The following USP25 variants were observed in gnomAD, a reference collection of about 807,000 sequenced individuals.
The protein encoded by USP25 is ubiquitin specific peptidase 25.
In USP25, 85 loss-of-function variants were observed where a neutral mutation model predicts 158.5. The observed-to-expected ratio is 0.54, with a 90% confidence interval of 0.45 to 0.64. The LOEUF (loss-of-function observed/expected upper bound fraction) is 0.64, where lower values mean the gene tolerates loss of function less well. USP25 is among the 30% of genes least tolerant of loss of function. USP25 has a pLI of 0.00. For missense variants in USP25, 1,242 were observed against 1,327.3 expected, an observed-to-expected ratio of 0.94 and a Z score of 1.00; for synonymous variants, 464 against 460.4, an observed-to-expected ratio of 1.01 and a Z score of -0.10.
At chr21:15,742,249 T>A (rs564167888) in intron 1 of USP25, among the ~76,000 whole-genome samples, 1 of 152,038 alleles carries the variant, frequency 6.6e-6, no homozygotes, top group South Asian at 2.1e-4. Flanking sequence ...TGAGAGGTCA[T>A]TAGGTCATCA....
chr21:15,798,816 T>C (rs2035989523), intron 5 of USP25, among the ~76,000 whole-genome samples: 1 of 151,264 alleles, frequency 6.6e-6, no homozygotes, highest in African/African-American at 2.4e-5. Context: ...TATGTAGTTT[T>C]CTCAATACCC....
chr21:15,847,170 T>G (rs1358765371), intron 18 of USP25, among the ~76,000 whole-genome samples: 2 of 152,190 alleles, frequency 1.3e-5, no homozygotes, highest in Admixed American at 6.5e-5. Context: ...CTACAAATTC[T>G]GATGAGTTTA....
Position 15,833,455 on chromosome 21 carries a change from G to A in USP25, c.2101G>A (p.Glu701Lys). The A allele has an allele frequency of 6.2e-7, 1 of 1,614,072 alleles. No individual in the cohort carries two copies. The change falls in exon 17 of 26, where the codon GAA (glutamate) becomes AAA (lysine). Residue 701 changes from glutamate to lysine, a missense_variant. Glu to Lys is a moderately conservative substitution (Grantham distance 56). This residue lies in a region of USP25 where 608 missense variants were observed against 605.2 expected (regional missense o/e 1.00). Coordinates refer to ENST00000400183, the MANE Select transcript of USP25 (RefSeq NM_001283041.3). Reference sequence around the variant, plus strand: ...CAACCAACGATTTGAAAAAGAACTAGAAGAATGGGATGCACAACTTGCCCA... The same window carrying A: ...CAACCAACGATTTGAAAAAGAACTAAAAGAATGGGATGCACAACTTGCCCA... The part of the protein sequence containing the change: ...EDNQRFEKEL[E>K]EWDAQLAQKA...
chr21:15,819,464 A>T (rs1348420340), intron 10 of USP25, among the ~76,000 whole-genome samples: 6 of 152,272 alleles, frequency 3.9e-5, no homozygotes, highest in Admixed American at 3.3e-4. Flanking sequence ...TGGCACTGTA[A>T]TAGTAAGCAA....
At chr21:15,805,992 C>T (rs2036368858) in intron 7 of USP25, among the ~76,000 whole-genome samples, 1 of 152,168 alleles carries the variant, frequency 6.6e-6, no homozygotes, top group Non-Finnish European at 1.5e-5. Context: ...GTCTGAGATT[C>T]TCTCACCATC....
chr21:15,829,022 G>A (rs1423640987), intron 14 of USP25, among the ~76,000 whole-genome samples: 1 of 152,120 alleles, frequency 6.6e-6, no homozygotes, highest in Non-Finnish European at 1.5e-5. Context: ...CCATATTGAT[G>A]TTAGCAGTTA....
At chr21:15,797,712 G>C (rs575418709) in intron 5 of USP25, among the ~76,000 whole-genome samples, 89 of 151,234 alleles carry the variant, frequency 5.9e-4, no homozygotes, top group African/African-American at 2.1e-3. Context: ...TTCCTCAAAA[G>C]AATAGTCCAT....
At chr21:15,832,305 T>A (rs1357217817) in intron 16 of USP25, among the ~76,000 whole-genome samples, 1 of 152,216 alleles carries the variant, frequency 6.6e-6, no homozygotes, top group Non-Finnish European at 1.5e-5. Context: ...TGTCATACTA[T>A]GTCTGAATCT....
chr21:15,804,186 T>C (rs2036265137), intron 6 of USP25, among the ~76,000 whole-genome samples: 3 of 151,940 alleles, frequency 2.0e-5, no homozygotes, highest in African/African-American at 7.2e-5. Flanking sequence ...TTAATTTCTT[T>C]CTGGAGATTT....
Position 15,791,627 on chromosome 21 carries a change from A to G in USP25, c.518A>G (p.Asn173Ser). 6.2e-7 allele frequency: 1 copy of G among 1,611,118 alleles called. No homozygotes were observed. Among genetic ancestry groups the G allele is most frequent in the Non-Finnish European group, 8.5e-7 (1 of 1,178,144 alleles). The change falls in exon 5 of 26, where the codon AAT (asparagine) becomes AGT (serine). Residue 173 changes from asparagine to serine, a missense_variant. Asn to Ser is a conservative substitution (Grantham distance 46, BLOSUM62 1). This residue lies in a region of USP25 where 627 missense variants were observed against 701.4 expected (regional missense o/e 0.89). Transcript: ENST00000400183. ...RQDKAPVGLK[N>S]VGNTCWFSAV... ...GACAAAGCTCCCGTTGGGCTAAAGA[A>G]TGTTGGCAATACTTGTTGGTTTAGT... is the stretch of plus-strand genomic sequence containing the variant.
chr21:15,734,889 A>G lies in USP25; in HGVS notation c.45+4451A>G, dbSNP rs76165251. Among the ~76,000 whole-genome samples, 1,399 of 152,304 alleles carry G rather than the reference A, an allele frequency of 9.2e-3. 14 individuals carry two copies. Among genetic ancestry groups the G allele is most frequent in the South Asian group, 0.014 (68 of 4,832 alleles). ...CATACGATATATGAATATTTACTAT[A>G]TAATCCGTGTAAGGCGCTGTGCTGA... On this transcript the variant is annotated intron_variant, in intron 1 of 25. Transcript: ENST00000400183.
At chr21:15,733,251 C>T (rs2031144723) in intron 1 of USP25, among the ~76,000 whole-genome samples, 1 of 145,026 alleles carries the variant, frequency 6.9e-6, no homozygotes, top group Non-Finnish European at 1.5e-5. Context: ...GTGAAATGAA[C>T]AGGATACTAT....
Position 15,875,310 on chromosome 21 carries a change from C to T in USP25, c.3009+784C>T, listed in dbSNP as rs1028386239. 2.0e-5 allele frequency among the ~76,000 whole-genome samples: 3 copies of T among 152,118 alleles called. No individual in the cohort carries two copies. The highest frequency in any genetic ancestry group is 2.0e-4 in the Admixed American group (3 of 15,274). ...CCAAAACCTGATGGTTCCTCTGAAA[C>T]CTTCAAAAAATGGTATAATGTTTCT... On this transcript the variant is annotated intron_variant, in intron 24 of 25. Transcript: ENST00000400183. This position sits in a 1 kb window ranked among gnomAD's most constrained non-coding sequence, Gnocchi z 4.7.
chr21:15,849,337 G>A (rs935092582), intron 19 of USP25, among the ~76,000 whole-genome samples: 2 of 152,124 alleles, frequency 1.3e-5, no homozygotes, highest in African/African-American at 4.8e-5. Flanking sequence ...GTTCAGGGAT[G>A]TGCAGGTTGT....
chr21:15,741,259 ATC>A (rs1257016927), intron 1 of USP25, among the ~76,000 whole-genome samples: 1 of 149,520 alleles, frequency 6.7e-6, no homozygotes, highest in African/African-American at 2.5e-5. Flanking sequence ...ATATTCTCAC[ATC>A]TGTGTATTCA....
At position 15,824,869 on chromosome 21, in the gene USP25, G is replaced by A. The variant is rs2037420450; in HGVS notation, c.1209-97G>A. 4 of 923,352 alleles carry A rather than the reference G, an allele frequency of 4.3e-6. No individual in the cohort carries two copies. The South Asian group carries it at 4.4e-5, about 10-fold the overall frequency. 57.2% of individuals were successfully genotyped at this position (923,352 alleles called of 1,614,324 possible). A position where few individuals can be genotyped will look rare whatever the true frequency, so the allele number is the denominator to read the frequency against. ...GACCTCAGGTGATCCTCCCGCCTTGGCGTCCCAGAGTGGTAGGCCGGGTAC... is the reference window on the plus strand; with the variant it reads ...GACCTCAGGTGATCCTCCCGCCTTGACGTCCCAGAGTGGTAGGCCGGGTAC... On this transcript the variant is annotated intron_variant, in intron 11 of 25. Transcript: ENST00000400183.
chr21:15,791,265 A>G (rs758378714), intron 4 of USP25, among the ~76,000 whole-genome samples: 1 of 151,926 alleles, frequency 6.6e-6, no homozygotes, highest in African/African-American at 2.4e-5. Context: ...ACTTTCTATT[A>G]TATAAAACTG....
At chr21:15,731,183 A>T (rs2030852994) in intron 1 of USP25, among the ~76,000 whole-genome samples, 1 of 152,062 alleles carries the variant, frequency 6.6e-6, no homozygotes, top group South Asian at 2.1e-4. Context: ...TTATATCTTT[A>T]AAGTGAATAG....
chr21:15,784,229 A>C (rs1323349848), intron 4 of USP25, among the ~76,000 whole-genome samples: 1 of 152,190 alleles, frequency 6.6e-6, no homozygotes, highest in Non-Finnish European at 1.5e-5. Flanking sequence ...TTAAAGTTAA[A>C]AATGTCAGAA....
Sources: gnomAD v4.1 joint callset for allele counts (sites outside exome capture counted in the v4.1 genomes callset) on GRCh38, gnomAD v4.1.1 for gene constraint, gnomAD v4.1.1 regional missense constraint, Gnocchi (gnomAD v3.1) non-coding constraint, MANE v1.5 for transcripts, NCBI Gene and HGNC (gene_info 2026-07-23, HGNC 2026-07-21) for gene names.